Variants in VWDE observed in about 807,000 individuals in gnomAD.
The protein encoded by VWDE is von Willebrand factor D and EGF domain-containing protein.
Under a neutral mutation model 178.4 loss-of-function variants are expected in VWDE, and 207 were observed. The observed-to-expected ratio is 1.16, with a 90% CI of 1.04 to 1.30. The LOEUF (loss-of-function observed/expected upper bound fraction) is 1.30, where lower values mean the gene tolerates loss of function less well. VWDE is among the 50% of genes most tolerant of loss of function. The pLI is 0.00. For synonymous variants in VWDE, 738 were observed against 651.4 expected (o/e 1.13, Z -2.02); for missense variants, 2,287 against 1,901.3 (o/e 1.20, Z -3.77).
chr7:12,331,239 A>G (rs1246871784), intron 28 of VWDE, 42 bp from the exon 29 acceptor site: 1 of 1,504,042 alleles, frequency 6.6e-7, no homozygotes, highest in Non-Finnish European at 9.0e-7. Context: ...TGAATAGTAT[A>G]AAATCATTTA....
In VWDE at chr7:12,393,736, G is replaced by C. The variant is rs879193327; in HGVS notation, c.101C>G (p.Pro34Arg). 2 of 1,550,592 alleles carry C rather than the reference G, an allele frequency of 1.3e-6. No individual in the cohort carries two copies. The highest frequency in any genetic ancestry group is 2.7e-5 in the African/African-American group (2 of 72,910). ...TGAGTCAAAACGGACACTTCTATAAGGACTCCGAAGAAACTGGTGTCCCCC... is the reference window on the plus strand; with the variant it reads ...TGAGTCAAAACGGACACTTCTATAACGACTCCGAAGAAACTGGTGTCCCCC... ...SPGGHQFLRS[P>R]YRSVRFDSWH... is the part of the protein sequence containing the mutation. Residue 34 changes from proline to arginine, a missense_variant, in exon 2 of 29, where the codon CCT becomes CGT. Transcript: ENST00000275358.
chr7:12,345,488 A>C (rs73294402), intron 19 of VWDE, among the ~76,000 whole-genome samples: 2,603 of 152,294 alleles, frequency 0.017, 68 homozygotes, highest in African/African-American at 0.059. Flanking sequence ...CCAAGAAAAC[A>C]AGGCTAGCCA....
At chr7:12,348,956 C>T (rs1781768594) in intron 19 of VWDE, among the ~76,000 whole-genome samples, 1 of 152,012 alleles carries the variant, frequency 6.6e-6, no homozygotes, top group East Asian at 1.9e-4. Flanking sequence ...AATCATCATT[C>T]TCAGTAAACT....
intron 2 of VWDE, among the ~76,000 whole-genome samples, chr7:12,390,062 G>A (rs1485007614): frequency 2.6e-5 from 4 of 151,976 alleles, no homozygotes; most frequent in Non-Finnish European, 5.9e-5. Flanking sequence ...CTACTCAGGA[G>A]GCTGAGGCAG....
At chr7:12,380,768 C>A (rs17165962) in intron 4 of VWDE, 35 bp from the exon 5 acceptor site, 1 of 1,547,958 alleles carries the variant, frequency 6.5e-7, no homozygotes, top group African/African-American at 1.4e-5. Flanking sequence ...AACTGGGAAT[C>A]TTAGACAATG....
rs1782659023 is a variant in VWDE at position 12,362,800 on chromosome 7, A to G, written c.2899-1279T>C. Among the ~76,000 whole-genome samples, 7 of 152,078 alleles carry G rather than the reference A, an allele frequency of 4.6e-5. No individual in the cohort carries two copies. The South Asian group carries it at 1.2e-3, about 27-fold the overall frequency. Reference sequence around the variant, plus strand: ...AATCTCCATATTTAAGGGAGTATGGAGAGTCTAGCCTAGCAGATCTACCAG... The same window carrying G: ...AATCTCCATATTTAAGGGAGTATGGGGAGTCTAGCCTAGCAGATCTACCAG... On this transcript the variant is annotated intron_variant, in intron 13 of 28. Transcript: ENST00000275358.
chr7:12,359,671 CATCAATA>C lies in VWDE; in HGVS notation c.3174_3180del (p.Ile1058MetfsTer17). The C allele has an allele frequency of 6.5e-7, 1 of 1,544,640 alleles. No homozygotes were observed. The highest frequency in any genetic ancestry group is 1.4e-5 in the African/African-American group (1 of 72,690). On this transcript the variant is annotated frameshift_variant, in exon 16 of 29. Transcript: ENST00000275358. LOFTEE classifies it high-confidence loss of function. ...TTGTCTCCTTCAACATAGCAGAGTC[CATCAATA>C]ATGCAAACATTTTCCTAATGGAAAA... is the stretch of plus-strand genomic sequence containing the variant.
In VWDE at chr7:12,370,237, T is replaced by C; in HGVS notation, c.2069A>G (p.Tyr690Cys). The change falls in exon 12 of 29, where the codon TAT becomes TGT. Residue 690 changes from tyrosine (Y) to cysteine (C), a missense_variant. Coordinates refer to ENST00000275358, the MANE Select transcript of VWDE (RefSeq NM_001135924.3). ...EINKHTSPEE[Y>C]NLNLFLQEKK... ...TTCTTGCAGAAATAAATTTAGATTA[T>C]ATTCTTCTGGAGATGTATGCTTGTT... 1 of 1,551,298 alleles carries C rather than the reference T, an allele frequency of 6.4e-7. No individual in the cohort carries two copies. Among genetic ancestry groups the C allele is most frequent in the Admixed American group, 2.0e-5 (1 of 50,968 alleles).
chr7:12,398,714 T>TA (rs1242779222), intron 1 of VWDE, among the ~76,000 whole-genome samples: 2 of 152,072 alleles, frequency 1.3e-5, no homozygotes, highest in Non-Finnish European at 2.9e-5. Flanking sequence ...TATGAAGCCA[T>TA]AAAAAAGACT....
At chr7:12,335,002 A>C (rs1780936434) in intron 27 of VWDE, among the ~76,000 whole-genome samples, 1 of 152,222 alleles carries the variant, frequency 6.6e-6, no homozygotes, top group Admixed American at 6.5e-5. Flanking sequence ...TATACATTAC[A>C]ATAGCAATTA....
chr7:12,341,385 G>A (rs924532070), intron 23 of VWDE, among the ~76,000 whole-genome samples: 7 of 152,168 alleles, frequency 4.6e-5, no homozygotes, highest in African/African-American at 1.7e-4. Flanking sequence ...TGTAATCCCA[G>A]TACTTTGAGA....
At chr7:12,362,262 C>G (rs1339446419) in intron 13 of VWDE, among the ~76,000 whole-genome samples, 1 of 151,800 alleles carries the variant, frequency 6.6e-6, no homozygotes, top group South Asian at 2.1e-4. Flanking sequence ...TGCACACATA[C>G]TGAGTCTTCA....
chr7:12,389,768 T>C (rs1315288587), intron 2 of VWDE, among the ~76,000 whole-genome samples: 1 of 152,216 alleles, frequency 6.6e-6, no homozygotes, highest in African/African-American at 2.4e-5. Context: ...TGAAATAGTA[T>C]GCACAAGAAG....
In VWDE at chr7:12,389,296, T is replaced by C. The variant is rs1180171628; in HGVS notation, c.306A>G (p.Pro102=). The part of the protein sequence containing the change: ...WLSLRDSETL[P]SPGEIKQLTA... ...TCAATTGCTTGATCTCCCCAGGAGA[T>C]GGCAGTGTTTCTGAATCTCTCAGAG... The change falls in exon 3 of 29, where the codon CCA becomes CCG. Residue 102 remains proline (P), a synonymous_variant. Coordinates refer to ENST00000275358, the MANE Select transcript of VWDE (RefSeq NM_001135924.3). The C allele has an allele frequency of 1.3e-6, 2 of 1,551,628 alleles. No individual in the cohort carries two copies. The highest frequency in any genetic ancestry group is 2.7e-5 in the African/African-American group (2 of 73,172).
chr7:12,395,398 G>T (rs955271517), intron 1 of VWDE, among the ~76,000 whole-genome samples: 2 of 151,872 alleles, frequency 1.3e-5, no homozygotes, highest in Non-Finnish European at 2.9e-5. Context: ...ACAGAATTTC[G>T]TCTTGGGAAA....
intron 1 of VWDE, among the ~76,000 whole-genome samples, chr7:12,398,922 G>C (rs1039503500): frequency 5.3e-5 from 8 of 152,086 alleles, no homozygotes; most frequent in African/African-American, 1.9e-4. Context: ...GGTAAGGGTT[G>C]AAAAACTACC....
intron 19 of VWDE, among the ~76,000 whole-genome samples, chr7:12,351,120 G>C (rs1781910398): frequency 6.6e-6 from 1 of 152,094 alleles, no homozygotes; most frequent in Non-Finnish European, 1.5e-5. Context: ...GAGGCATAAA[G>C]AAAGCCAATG....
chr7:12,356,381 C>A, intron 17 of VWDE, 51 bp from the exon 18 acceptor site: 1 of 1,442,288 alleles, frequency 6.9e-7, no homozygotes, highest in Non-Finnish European at 9.5e-7. Flanking sequence ...AAATTATCTT[C>A]AGTTTATGCC....
chr7:12,366,881 T>C (rs1782887544), intron 13 of VWDE, among the ~76,000 whole-genome samples: 2 of 152,110 alleles, frequency 1.3e-5, no homozygotes, highest in Admixed American at 1.3e-4. Context: ...TGTCTGTTTC[T>C]GTGGCCTTTA....
Sources: allele counts gnomAD v4.1 joint callset (sites outside exome capture counted in the v4.1 genomes callset), GRCh38; gene constraint gnomAD v4.1.1; transcripts MANE v1.5; gene names NCBI Gene and HGNC (gene_info 2026-07-23, HGNC 2026-07-21).